Variants in CEACAM18 observed in about 807,000 individuals in gnomAD.
The protein encoded by CEACAM18 is CEA cell adhesion molecule 18, also known as cell adhesion molecule CEACAM18.
Under a neutral mutation model 34.3 loss-of-function variants are expected in CEACAM18, and 33 were observed. The observed-to-expected ratio is 0.96, with a 90% CI of 0.73 to 1.29. The LOEUF (loss-of-function observed/expected upper bound fraction) is 1.29. CEACAM18 is among the 50% of genes most tolerant of loss of function. The pLI is 0.00. For missense variants in CEACAM18, 474 were observed against 485.0 expected (o/e 0.98, Z 0.21); for synonymous variants, 169 against 180.9 (o/e 0.93, Z 0.53).
At chr19:51,487,722 G>T (rs1308737627) in intron 5 of CEACAM18, among the ~76,000 whole-genome samples, 1 of 151,790 alleles carries the variant, frequency 6.6e-6, no homozygotes, top group African/African-American at 2.4e-5. Context: ...AGTGCAGGTT[G>T]CAGTGAGTCG....
intron 1 of CEACAM18, among the ~76,000 whole-genome samples, chr19:51,479,641 G>T (rs1280947386): frequency 5.3e-4 from 81 of 152,176 alleles, no homozygotes; most frequent in Non-Finnish European, 1.5e-5. Flanking sequence ...CCCAGGCTGG[G>T]GTGGAGGAGA....
intron 1 of CEACAM18, 107 bp from the exon 2 acceptor site, chr19:51,480,226 A>T: frequency 2.2e-6 from 2 of 917,104 alleles, no homozygotes; most frequent in Non-Finnish European, 3.2e-6. Flanking sequence ...CTGGTTCACC[A>T]GCGTCTCTGG....
exon 4 of CEACAM18, chr19:51,483,180 A>G: frequency 6.2e-7 from 1 of 1,613,974 alleles, no homozygotes; most frequent in Non-Finnish European, 8.5e-7. Context: ...TCTCAGATGC[A>G]AAGATGAACC....
At chr19:51,489,087 T>C (rs1391616346) in intron 5 of CEACAM18, among the ~76,000 whole-genome samples, 2 of 150,884 alleles carry the variant, frequency 1.3e-5, no homozygotes, top group Non-Finnish European at 3.0e-5. Context: ...TTTCTATCCT[T>C]GTGTTCAAAG....
intron 3 of CEACAM18, among the ~76,000 whole-genome samples, 158 bp downstream of exon 3, chr19:51,481,823 C>T (rs538018104): frequency 3.0e-4 from 46 of 152,222 alleles, no homozygotes; most frequent in African/African-American, 1.0e-3. Flanking sequence ...GCTCTTGAGC[C>T]CTGTGAACTT....
chr19:51,483,896 C>A (rs187763693), intron 4 of CEACAM18, among the ~76,000 whole-genome samples: 3 of 152,162 alleles, frequency 2.0e-5, no homozygotes, highest in Middle Eastern at 3.2e-3. Context: ...AGCAACCATG[C>A]GTCCAATCTT....
intron 4 of CEACAM18, among the ~76,000 whole-genome samples, chr19:51,484,373 T>G (rs1478341269): frequency 6.6e-6 from 1 of 151,200 alleles, no homozygotes; most frequent in Non-Finnish European, 1.5e-5. Context: ...GATGCAGTGG[T>G]GCAATCTCTG....
chr19:51,489,565 T>C (rs1344429701), intron 5 of CEACAM18, among the ~76,000 whole-genome samples: 2 of 152,110 alleles, frequency 1.3e-5, no homozygotes, highest in African/African-American at 4.8e-5. Context: ...AGAAGATACA[T>C]CTTCAATTAT....
Position 51,490,690 on chromosome 19 carries a change from G to A in CEACAM18, c.*38G>A, listed in dbSNP as rs533875399. 90 of 1,131,604 alleles carry A rather than the reference G, an allele frequency of 8.0e-5. No individual in the cohort carries two copies. In the African/African-American group the frequency reaches 1.2e-3, roughly 15 times the overall value. The allele number at this position is 1,131,604 out of a possible 1,614,324, so 70.1% of individuals were successfully genotyped here. A position where few individuals can be genotyped will look rare whatever the true frequency, so the allele number is the denominator to read the frequency against. On this transcript the variant is annotated 3_prime_UTR_variant, in exon 6 of 6. Coordinates refer to ENST00000396477, the Ensembl canonical transcript of CEACAM18. ...GGAGAAGGGCTGGGGGTCCCCATAG[G>A]GCCAGCGAGGCTGAAAAGGGTCCAG...
chr19:51,483,250 A>G, exon 4 of CEACAM18: 2 of 1,614,020 alleles, frequency 1.2e-6, no homozygotes, highest in Non-Finnish European at 1.7e-6. Flanking sequence ...GAACCCCGTG[A>G]CACAGCTGAT....
At chr19:51,483,830 A>T (rs1989958405) in intron 4 of CEACAM18, among the ~76,000 whole-genome samples, 1 of 152,240 alleles carries the variant, frequency 6.6e-6, no homozygotes. Flanking sequence ...TGGCATGGCC[A>T]TGGCGTCAGA....
chr19:51,481,430 C>G, exon 3 of CEACAM18: 1 of 1,614,004 alleles, frequency 6.2e-7, no homozygotes, highest in Non-Finnish European at 8.5e-7. Flanking sequence ...TCAATGCCAG[C>G]TCCCTGGTGG....
At chr19:51,482,013 C>T (rs531451485) in intron 3 of CEACAM18, among the ~76,000 whole-genome samples, 13 of 152,280 alleles carry the variant, frequency 8.5e-5, no homozygotes, top group Admixed American at 8.5e-4. Flanking sequence ...AGTTTTCAAG[C>T]CCCTTGAGCC....
chr19:51,489,482 G>C (rs964821766), intron 5 of CEACAM18, among the ~76,000 whole-genome samples: 1 of 152,038 alleles, frequency 6.6e-6, no homozygotes, highest in South Asian at 2.1e-4. Context: ...TAGAATAAAT[G>C]GTGGGGCAAG....
At chr19:51,484,163 C>T (rs1038837018) in intron 4 of CEACAM18, among the ~76,000 whole-genome samples, 1 of 152,194 alleles carries the variant, frequency 6.6e-6, no homozygotes, top group South Asian at 2.1e-4. Context: ...GAAGACATTA[C>T]AGGATGTGGT....
chr19:51,478,877 G>A (rs935728748), intron 1 of CEACAM18, among the ~76,000 whole-genome samples, 183 bp downstream of exon 1: 6 of 151,810 alleles, frequency 4.0e-5, no homozygotes, highest in South Asian at 2.1e-4. Flanking sequence ...GCTCACACAC[G>A]TGGGCACACT....
chr19:51,486,419 G>A (rs2122190569), intron 5 of CEACAM18, among the ~76,000 whole-genome samples: 1 of 152,100 alleles, frequency 6.6e-6, no homozygotes, highest in East Asian at 1.9e-4. Flanking sequence ...GTGCAGCTGG[G>A]TCAGCAGGTT....
At chr19:51,490,560 G>C in intron 5 of CEACAM18, 27 bp from the exon 6 acceptor site, 1 of 1,232,078 alleles carries the variant, frequency 8.1e-7, no homozygotes, top group Non-Finnish European at 1.0e-6. Flanking sequence ...CCTGAGATGT[G>C]GCTTCTTCCC....
chr19:51,487,073 A>G (rs909310911), intron 5 of CEACAM18, among the ~76,000 whole-genome samples: 3 of 152,170 alleles, frequency 2.0e-5, no homozygotes, highest in Non-Finnish European at 2.9e-5. Flanking sequence ...AATGTAATTG[A>G]AATATAAACT....
Sources: allele counts gnomAD v4.1 joint callset (sites outside exome capture counted in the v4.1 genomes callset), GRCh38; gene constraint gnomAD v4.1.1; transcripts MANE v1.5; gene names NCBI Gene and HGNC (gene_info 2026-07-23, HGNC 2026-07-21).